Variants in SFMBT1 observed in about 807,000 individuals in gnomAD.
SFMBT1 encodes the protein Scm like with four mbt domains 1.
A neutral mutation model predicts 108.7 loss-of-function variants in SFMBT1; 32 were observed. That is an observed-to-expected ratio of 0.29 (90% CI 0.22 to 0.40). The LOEUF (loss-of-function observed/expected upper bound fraction) is 0.40, where lower values mean the gene tolerates loss of function less well. Among genes scored for constraint, SFMBT1 ranks in the 10% least tolerant of loss-of-function variants. SFMBT1 has a pLI of 1.00. For synonymous variants in SFMBT1, 348 were observed against 369.5 expected, an observed-to-expected ratio of 0.94 and a Z score of 0.67; for missense variants, 816 against 1,059.6, an observed-to-expected ratio of 0.77 and a Z score of 3.19.
At chr3:53,012,277 TGAG>T (rs1212551091) in intron 1 of SFMBT1, among the ~76,000 whole-genome samples, 4 of 152,176 alleles carry the variant, frequency 2.6e-5, no homozygotes, top group African/African-American at 9.7e-5. Flanking sequence ...TGTGGGTGGC[TGAG>T]AAGAGAAGGA....
intron 19 of SFMBT1, 113 bp from the exon 20 acceptor site, chr3:52,906,354 G>T: frequency 6.6e-7 from 1 of 1,515,556 alleles, no homozygotes; most frequent in Non-Finnish European, 9.0e-7. Context: ...GTGGTCTTAG[G>T]ACATGATTTC....
At chr3:53,034,924 G>C (rs1477561896) in intron 1 of SFMBT1, among the ~76,000 whole-genome samples, 1 of 152,230 alleles carries the variant, frequency 6.6e-6, no homozygotes, top group Non-Finnish European at 1.5e-5. Flanking sequence ...GGGCGACAGA[G>C]CGAGACTCTG....
intron 2 of SFMBT1, among the ~76,000 whole-genome samples, chr3:52,955,668 C>G (rs1032824832): frequency 3.3e-5 from 5 of 152,014 alleles, no homozygotes; most frequent in South Asian, 2.1e-4. Context: ...AAGTTGAATC[C>G]CTGAATAGAC....
chr3:52,955,518 A>C (rs1383292754), intron 2 of SFMBT1, among the ~76,000 whole-genome samples: 1 of 152,064 alleles, frequency 6.6e-6, no homozygotes, highest in African/African-American at 2.4e-5. Context: ...ATGATAAAGG[A>C]GATATCACCA....
intron 1 of SFMBT1, among the ~76,000 whole-genome samples, chr3:53,009,434 AAAAT>A (rs575594934): frequency 3.3e-4 from 50 of 152,286 alleles, no homozygotes; most frequent in Non-Finnish European, 6.0e-4. Context: ...TCCATCTCAA[AAAAT>A]AAATAAATAA....
intron 13 of SFMBT1, among the ~76,000 whole-genome samples, chr3:52,916,548 AGT>A (rs1702362014): frequency 6.6e-6 from 1 of 151,834 alleles, no homozygotes; most frequent in African/African-American, 2.4e-5. Flanking sequence ...AGGCACCTGT[AGT>A]CCCAGCTACT....
intron 2 of SFMBT1, among the ~76,000 whole-genome samples, chr3:52,962,808 CAAAAAAA>C (rs369325114): frequency 9.9e-6 from 1 of 101,460 alleles, no homozygotes; most frequent in Admixed American, 1.3e-4. Context: ...CTCCCTGTCT[CAAAAAAA>C]AAAAAAAAAG....
At chr3:53,029,335 G>A (rs577681218) in intron 1 of SFMBT1, among the ~76,000 whole-genome samples, 1 of 152,212 alleles carries the variant, frequency 6.6e-6, no homozygotes, top group South Asian at 2.1e-4. Flanking sequence ...TCTCTGAGGG[G>A]TATTCTGAAG....
chr3:52,976,543 C>T (rs1013677638), intron 1 of SFMBT1, among the ~76,000 whole-genome samples: 1 of 152,014 alleles, frequency 6.6e-6, no homozygotes, highest in Admixed American at 6.6e-5. Context: ...AGAAAACATA[C>T]GTGAATATGG....
intron 3 of SFMBT1, among the ~76,000 whole-genome samples, chr3:52,949,647 C>T (rs1286160938): frequency 7.7e-6 from 1 of 130,700 alleles, no homozygotes. Context: ...GGCATGATCT[C>T]GGCTCACCGC....
intron 1 of SFMBT1, among the ~76,000 whole-genome samples, chr3:52,999,096 C>G (rs116038867): frequency 6.6e-6 from 1 of 150,784 alleles, no homozygotes; most frequent in Non-Finnish European, 1.5e-5. Flanking sequence ...AGGCCTGCGC[C>G]GGCGTCTGCT....
intron 1 of SFMBT1, among the ~76,000 whole-genome samples, chr3:53,026,301 T>G (rs1248338150): frequency 1.3e-5 from 2 of 152,190 alleles, no homozygotes; most frequent in African/African-American, 4.8e-5. Context: ...ATGAACTAAA[T>G]TTTTGGTCCC....
intron 1 of SFMBT1, among the ~76,000 whole-genome samples, chr3:52,995,821 T>TA (rs113158740): frequency 1.3e-5 from 2 of 149,914 alleles, no homozygotes; most frequent in African/African-American, 4.8e-5. Flanking sequence ...CCTATAATCT[T>TA]AGCACTTTGG....
At position 52,907,248 on chromosome 3, in the gene SFMBT1, T is replaced by C; in HGVS notation, c.2152A>G (p.Thr718Ala). The stretch of plus-strand genomic sequence containing the variant: ...TGTAGCTCATCCTGCTGCTCGGATG[T>C]ACTGCCTTCACTTAGGGAATCATCA... ...GDDDSLSEGS[T>A]SEQQDELQEE... The change falls in exon 19 of 21, where the codon ACA (threonine) becomes GCA (alanine). Residue 718 changes from threonine (T) to alanine (A), a missense_variant. Around this residue, in one of 5 missense-constraint regions of SFMBT1, gnomAD observed 177 missense variants for 182.0 expected, o/e 0.97. Coordinates refer to ENST00000394752, the MANE Select transcript of SFMBT1 (RefSeq NM_016329.4). The C allele has an allele frequency of 6.2e-7, 1 of 1,614,120 alleles. No homozygotes were observed. The highest frequency in any genetic ancestry group is 8.5e-7 in the Non-Finnish European group (1 of 1,180,026).
chr3:52,947,985 T>C (rs183239493), intron 3 of SFMBT1, among the ~76,000 whole-genome samples: 7 of 152,338 alleles, frequency 4.6e-5, no homozygotes, highest in East Asian at 1.9e-4. Flanking sequence ...TCCGCCTGCC[T>C]CGGCCTCCCG....
intron 1 of SFMBT1, among the ~76,000 whole-genome samples, chr3:53,013,238 G>A (rs1192415431): frequency 6.6e-6 from 1 of 151,698 alleles, no homozygotes; most frequent in Non-Finnish European, 1.5e-5. Context: ...AACTTGCTAA[G>A]TTACAATTTA....
chr3:53,001,588 A>AGAGGAAGCACACT (rs11275169), intron 1 of SFMBT1, among the ~76,000 whole-genome samples: 5 of 148,064 alleles, frequency 3.4e-5, no homozygotes, highest in African/African-American at 1.2e-4. Flanking sequence ...CATTTCTAAT[A>AGAGGAAGCACACT]GCTCTAGCTA....
At chr3:53,018,422 G>A (rs980907681) in intron 1 of SFMBT1, among the ~76,000 whole-genome samples, 1 of 151,986 alleles carries the variant, frequency 6.6e-6, no homozygotes, top group African/African-American at 2.4e-5. Context: ...ACACCACCCT[G>A]TTCCCATATT....
chr3:52,909,310 T>C (rs1170089812), intron 17 of SFMBT1, among the ~76,000 whole-genome samples: 1 of 152,250 alleles, frequency 6.6e-6, no homozygotes, highest in Admixed American at 6.5e-5. Context: ...ACATGAATAG[T>C]ATTTTTCACT....
Sources: allele counts gnomAD v4.1 joint callset (sites outside exome capture counted in the v4.1 genomes callset), GRCh38; gene constraint gnomAD v4.1.1; regional missense constraint gnomAD v4.1.1; transcripts MANE v1.5; gene names NCBI Gene and HGNC (gene_info 2026-07-23, HGNC 2026-07-21).